SPTBN1: variants seen among roughly 807,000 people sequenced by gnomAD.
SPTBN1 encodes the protein spectrin beta, non-erythrocytic 1, also known as spectrin beta chain, non-erythrocytic 1.
In SPTBN1, 32 loss-of-function variants were observed where a neutral mutation model predicts 266.4. That is an observed-to-expected ratio of 0.12 (90% CI 0.09 to 0.16). The LOEUF (loss-of-function observed/expected upper bound fraction) is 0.16, where lower values mean the gene tolerates loss of function less well. Ranked by LOEUF, SPTBN1 falls within the 10% of genes least tolerant of loss-of-function variation. The probability of loss-of-function intolerance (pLI) is 1.00; values close to 1 mark genes in which losing one functional copy is unlikely to be tolerated. For missense variants in SPTBN1, 2,296 were observed against 3,067.1 expected (o/e 0.75, Z 5.94); for synonymous variants, 1,336 against 1,162.2 (o/e 1.15, Z -3.04).
chr2:54,615,960 T>A (rs1677578363), intron 4 of SPTBN1, among the ~76,000 whole-genome samples: 1 of 152,196 alleles, frequency 6.6e-6, no homozygotes, highest in Non-Finnish European at 1.5e-5. Flanking sequence ...GGGGTAAAAA[T>A]GACCTCTGAT....
chr2:54,582,876 G>C (rs1230309507), intron 2 of SPTBN1, among the ~76,000 whole-genome samples: 1 of 152,162 alleles, frequency 6.6e-6, no homozygotes. Context: ...ATTTTTCTAG[G>C]CTTGAATTTG....
chr2:54,591,234 A>G (rs1675660496), intron 2 of SPTBN1, among the ~76,000 whole-genome samples: 1 of 152,198 alleles, frequency 6.6e-6, no homozygotes, highest in African/African-American at 2.4e-5. Context: ...AATACTCTCA[A>G]TTTCAGATTA....
intron 2 of SPTBN1, among the ~76,000 whole-genome samples, chr2:54,582,615 G>T (rs1675013401): frequency 6.6e-6 from 1 of 151,840 alleles, no homozygotes; most frequent in South Asian, 2.1e-4. Context: ...GAGGGCTTCT[G>T]CACTGAATTA....
chr2:54,599,158 C>A lies in SPTBN1; in HGVS notation c.215C>A (p.Ser72Tyr). ...KWVNSHLARV[S>Y]CRITDLYTDL... is the part of the protein sequence containing the mutation. ...GTCAATTCCCACCTTGCCCGTGTGT[C>A]CTGCCGGATCACAGACCTGTACACT... Residue 72 changes from serine to tyrosine, a missense_variant, in exon 3 of 36, where the codon TCC (serine) becomes TAC (tyrosine). Ser to Tyr is a moderately radical substitution (Grantham distance 144). Coordinates refer to ENST00000356805, the MANE Select transcript of SPTBN1 (RefSeq NM_003128.3). The A allele has an allele frequency of 6.2e-7, 1 of 1,614,134 alleles. No individual in the cohort carries two copies. Among genetic ancestry groups the A allele is most frequent in the Non-Finnish European group, 8.5e-7 (1 of 1,180,036 alleles).
intron 1 of SPTBN1, among the ~76,000 whole-genome samples, chr2:54,493,646 C>A (rs571471843): frequency 6.6e-6 from 1 of 152,322 alleles, no homozygotes; most frequent in East Asian, 1.9e-4. Flanking sequence ...AAGTTATCCA[C>A]CTGCCTTGGC....
intron 1 of SPTBN1, among the ~76,000 whole-genome samples, chr2:54,464,131 A>G (rs1693509300): frequency 6.6e-6 from 1 of 152,206 alleles, no homozygotes; most frequent in South Asian, 2.1e-4. Flanking sequence ...GTTGGGTTAT[A>G]TATATGTAAC....
At chr2:54,522,560 G>A (rs6724590) in intron 1 of SPTBN1, among the ~76,000 whole-genome samples, 119,285 of 150,314 alleles carry the variant, frequency 0.79, 47,855 homozygotes, top group African/African-American at 0.92. Flanking sequence ...GAACCTGGGA[G>A]GTGGAGGTTG....
intron 18 of SPTBN1, among the ~76,000 whole-genome samples, chr2:54,642,097 T>G (rs532008027): frequency 6.6e-6 from 1 of 152,298 alleles, no homozygotes; most frequent in Non-Finnish European, 1.5e-5. Flanking sequence ...AAGCTCTTCC[T>G]AGGTTAGCAA....
At chr2:54,470,190 A>G (rs1345617870) in intron 1 of SPTBN1, among the ~76,000 whole-genome samples, 1 of 152,202 alleles carries the variant, frequency 6.6e-6, no homozygotes, top group Non-Finnish European at 1.5e-5. Context: ...GAGAAGGCTG[A>G]TGTATCGTCT....
chr2:54,618,718 G>A (rs1677800305), intron 7 of SPTBN1, among the ~76,000 whole-genome samples: 1 of 152,206 alleles, frequency 6.6e-6, no homozygotes, highest in Admixed American at 6.5e-5. Context: ...TTGCAGGCAG[G>A]GGCCTTGTTA....
intron 4 of SPTBN1, among the ~76,000 whole-genome samples, chr2:54,613,774 A>G (rs971868359): frequency 3.3e-5 from 5 of 152,236 alleles, no homozygotes; most frequent in Non-Finnish European, 5.9e-5. Context: ...TGGAGTAGCC[A>G]TTGAATCCAC....
chr2:54,463,615 G>A (rs144784378), intron 1 of SPTBN1, among the ~76,000 whole-genome samples: 226 of 152,286 alleles, frequency 1.5e-3, no homozygotes, highest in African/African-American at 5.0e-3. Context: ...TACCACATAG[G>A]ATTATTAAAG....
At chr2:54,459,907 A>G (rs1372144123) in intron 1 of SPTBN1, among the ~76,000 whole-genome samples, 3 of 152,156 alleles carry the variant, frequency 2.0e-5, no homozygotes, top group African/African-American at 7.2e-5. Context: ...TTCCGGTAGC[A>G]CTTGTAATTA....
chr2:54,599,942 A>G (rs4444573), intron 3 of SPTBN1, among the ~76,000 whole-genome samples: 121,587 of 152,178 alleles, frequency 0.8, 49,277 homozygotes, highest in African/African-American at 0.94. Flanking sequence ...GTTTTGTCTC[A>G]CCTTGGTTTG....
At chr2:54,602,818 T>C (rs544942132) in intron 3 of SPTBN1, among the ~76,000 whole-genome samples, 2 of 152,346 alleles carry the variant, frequency 1.3e-5, no homozygotes, top group East Asian at 3.9e-4. Context: ...ATGAGATTTG[T>C]TAAGCCTCAA....
rs200779898 is a variant in SPTBN1, at chr2:54,543,844, G to A, written c.148+17278G>A. Among the ~76,000 whole-genome samples the A allele has an allele frequency of 6.6e-5, 10 of 152,252 alleles. No homozygotes were observed. In the East Asian group the frequency reaches 1.2e-3, roughly 18 times the overall value. On this transcript the variant is annotated intron_variant, in intron 2 of 35. Coordinates refer to ENST00000356805, the MANE Select transcript of SPTBN1 (RefSeq NM_003128.3). The stretch of plus-strand genomic sequence containing the variant: ...AGACAGATGGGAGTGGGAGATGCAT[G>A]TTCTTTGGAGGGAGAGAGACATGGT...
At chr2:54,592,756 A>C (rs1675766278) in intron 2 of SPTBN1, among the ~76,000 whole-genome samples, 1 of 152,202 alleles carries the variant, frequency 6.6e-6, no homozygotes, top group Admixed American at 6.5e-5. Flanking sequence ...CAAACAACAA[A>C]AGATAGTGAA....
chr2:54,552,302 T>G (rs1351972983), intron 2 of SPTBN1, among the ~76,000 whole-genome samples: 1 of 152,212 alleles, frequency 6.6e-6, no homozygotes. Context: ...ATAGTATCTT[T>G]GTAGACATGT....
At position 54,559,019 on chromosome 2, in the gene SPTBN1, C is replaced by T. The variant is rs528138940; in HGVS notation, c.148+32453C>T. On this transcript the variant is annotated intron_variant, in intron 2 of 35. Coordinates refer to ENST00000356805, the MANE Select transcript of SPTBN1 (RefSeq NM_003128.3). The stretch of plus-strand genomic sequence containing the variant: ...GACCCTGTGGTTGGCTGCGGGCACC[C>T]CATTCACGACTTAGGGAAGGCAGTT... 59 of 1,003,962 alleles carry T rather than the reference C, an allele frequency of 5.9e-5. 3 individuals carry two copies. The Middle Eastern group carries it at 1.7e-3, about 29-fold the overall frequency. 62.2% of individuals were successfully genotyped at this position (1,003,962 alleles called of 1,614,324 possible).
Sources: gnomAD v4.1 joint callset for allele counts (sites outside exome capture counted in the v4.1 genomes callset) on GRCh38, gnomAD v4.1.1 for gene constraint, MANE v1.5 for transcripts, NCBI Gene and HGNC (gene_info 2026-07-23, HGNC 2026-07-21) for gene names.